Variants in SLC30A7 observed in about 807,000 individuals in gnomAD.
The protein encoded by SLC30A7 is zinc transporter 7.
In SLC30A7, 35 loss-of-function variants were observed where a neutral mutation model predicts 46.0. The observed-to-expected ratio is 0.76, with a 90% CI of 0.58 to 1.01. The LOEUF is 1.01. Among genes scored for constraint, SLC30A7 ranks in the 50% least tolerant of loss-of-function variants. The probability of loss-of-function intolerance (pLI) is 0.00; values close to 1 mark genes in which losing one functional copy is unlikely to be tolerated. For synonymous variants in SLC30A7, 147 were observed against 157.8 expected, an observed-to-expected ratio of 0.93 and a Z score of 0.51; for missense variants, 464 against 451.1, an observed-to-expected ratio of 1.03 and a Z score of -0.26.
intron 3 of SLC30A7, among the ~76,000 whole-genome samples, chr1:100,907,991 G>A (rs898690096): frequency 6.6e-6 from 1 of 150,652 alleles, no homozygotes; most frequent in Admixed American, 6.6e-5. Flanking sequence ...CCCTTTATCT[G>A]TCAGGCTCAA....
chr1:100,915,193 T>TTTTCTTTCTTTCCTTC (rs1652425309), intron 6 of SLC30A7, among the ~76,000 whole-genome samples: 1 of 90,788 alleles, frequency 1.1e-5, no homozygotes, highest in Non-Finnish European at 2.2e-5. Context: ...CTTTTCTTTC[T>TTTTCTTTCTTTCCTTC]TTTCTTTCTT....
chr1:100,946,253 C>CT (rs1654628759), intron 8 of SLC30A7, among the ~76,000 whole-genome samples: 1 of 152,228 alleles, frequency 6.6e-6, no homozygotes, highest in African/African-American at 2.4e-5. Context: ...TTGACTTCCT[C>CT]TTTTCCTAAT....
intron 8 of SLC30A7, among the ~76,000 whole-genome samples, chr1:100,949,066 C>T (rs901020797): frequency 2.6e-5 from 4 of 152,204 alleles, no homozygotes; most frequent in Non-Finnish European, 5.9e-5. Context: ...TGTTCTGTTG[C>T]TGGTGAGGAG....
intron 8 of SLC30A7, among the ~76,000 whole-genome samples, chr1:100,953,535 T>A (rs1183148525): frequency 6.6e-6 from 1 of 152,214 alleles, no homozygotes; most frequent in African/African-American, 2.4e-5. Context: ...CTGTGCTTTT[T>A]AAAATGCAGA....
At position 100,896,232 on chromosome 1, in the gene SLC30A7, A is replaced by C. The variant is rs1292164078; in HGVS notation, c.-31A>C. 1 of 1,606,576 alleles carries C rather than the reference A, an allele frequency of 6.2e-7. No individual in the cohort carries two copies. The highest frequency in any genetic ancestry group is 1.3e-5 in the African/African-American group (1 of 74,748). ...CCCCACGGAGCCACTTCTAGAGGGG[A>C]GTAGACCCGGCCCTTCGCCGGGCAG... On this transcript the variant is annotated 5_prime_UTR_variant, in exon 1 of 11. Coordinates refer to ENST00000357650, the MANE Select transcript of SLC30A7 (RefSeq NM_133496.5).
chr1:100,966,605 AT>A (rs530977071), intron 10 of SLC30A7, among the ~76,000 whole-genome samples: 11 of 147,012 alleles, frequency 7.5e-5, no homozygotes, highest in Non-Finnish European at 1.1e-4. Context: ...AGAAAACCAC[AT>A]TTTTTTTTTT....
chr1:100,984,426 T>C (rs1362795770), downstream of SLC30A7, among the ~76,000 whole-genome samples: 2 of 152,206 alleles, frequency 1.3e-5, no homozygotes, highest in Non-Finnish European at 1.5e-5. Context: ...TAAAGTTGTT[T>C]ATGAACCCCA....
chr1:100,899,560 T>C (rs1263540870), intron 2 of SLC30A7, among the ~76,000 whole-genome samples: 2 of 152,190 alleles, frequency 1.3e-5, no homozygotes, highest in Non-Finnish European at 2.9e-5. Flanking sequence ...TCTGCACACC[T>C]GTAATCTCAG....
rs1230424523 is a variant in SLC30A7, at chr1:100,980,132, G to A, written c.*5275G>A. ...AAGTTTTGTTGGCATTGAAGAGTAA[G>A]CTGCTTAAGGGACTGAATGAAAAGA... On this transcript the variant is annotated 3_prime_UTR_variant, in exon 11 of 11. Coordinates refer to ENST00000357650, the MANE Select transcript of SLC30A7 (RefSeq NM_133496.5). The A allele has an allele frequency of 6.6e-6, 1 of 152,132 alleles. No homozygotes were observed. Among genetic ancestry groups the A allele is most frequent in the Non-Finnish European group, 1.5e-5 (1 of 67,972 alleles). 9.4% of individuals were successfully genotyped at this position (152,132 alleles called of 1,614,324 possible).
At chr1:100,955,100 C>G (rs1200079860) in intron 8 of SLC30A7, among the ~76,000 whole-genome samples, 5 of 151,880 alleles carry the variant, frequency 3.3e-5, no homozygotes, top group African/African-American at 4.8e-5. Flanking sequence ...ATAATTTTAA[C>G]TGAAATTTTT....
At chr1:100,952,045 G>A (rs915461236) in intron 8 of SLC30A7, among the ~76,000 whole-genome samples, 8 of 152,250 alleles carry the variant, frequency 5.3e-5, no homozygotes, top group East Asian at 3.9e-4. Context: ...GGAAGAGGCC[G>A]GGGCCAAGGA....
rs538949018 is a variant in SLC30A7, at chr1:100,976,591, T to C, written c.*1734T>C. 6.6e-6 allele frequency: 1 copy of C among 152,380 alleles called. No individual in the cohort carries two copies. Among genetic ancestry groups the C allele is most frequent in the Non-Finnish European group, 1.5e-5 (1 of 68,034 alleles). 9.4% of individuals were successfully genotyped at this position (152,380 alleles called of 1,614,324 possible). A position where few individuals can be genotyped will look rare whatever the true frequency, so the allele number is the denominator to read the frequency against. On this transcript the variant is annotated 3_prime_UTR_variant, in exon 11 of 11. Coordinates refer to ENST00000357650, the MANE Select transcript of SLC30A7 (RefSeq NM_133496.5). Reference sequence around the variant, plus strand: ...TTCATTTTACAATACATATTCCCTTTTAACTTAAAAAAATTGTAAATGTGG... The same window carrying C: ...TTCATTTTACAATACATATTCCCTTCTAACTTAAAAAAATTGTAAATGTGG...
intron 8 of SLC30A7, among the ~76,000 whole-genome samples, chr1:100,949,757 G>T (rs940244990): frequency 5.3e-5 from 8 of 152,310 alleles, no homozygotes; most frequent in African/African-American, 1.9e-4. Context: ...AGCATTGCAG[G>T]TCGATCTCAG....
chr1:100,980,704 T>G lies in SLC30A7; in HGVS notation c.*5847T>G, dbSNP rs1215110123. The G allele has an allele frequency of 6.6e-6, 1 of 152,026 alleles. No homozygotes were observed. Among genetic ancestry groups the G allele is most frequent in the African/African-American group, 2.4e-5 (1 of 41,436 alleles). The allele number at this position is 152,026 out of a possible 1,614,324, so 9.4% of individuals were successfully genotyped here. The stretch of plus-strand genomic sequence containing the variant: ...GTAGCCCTATGAGCTGCTCATTCTT[T>G]TTCATATACAGTGGAAGTATACAGA... On this transcript the variant is annotated 3_prime_UTR_variant, in exon 11 of 11. Transcript: ENST00000357650.
At chr1:100,966,866 C>T (rs372306565) in intron 10 of SLC30A7, among the ~76,000 whole-genome samples, 37 of 152,260 alleles carry the variant, frequency 2.4e-4, no homozygotes, top group South Asian at 1.9e-3. Flanking sequence ...TTTTGTGTGA[C>T]AGCAAAACTA....
At chr1:100,930,955 C>G (rs1653629092) in intron 8 of SLC30A7, among the ~76,000 whole-genome samples, 1 of 152,114 alleles carries the variant, frequency 6.6e-6, no homozygotes, top group Non-Finnish European at 1.5e-5. Context: ...GAATTATTAA[C>G]TTCTTACCTA....
chr1:100,948,311 G>A (rs1471081749), intron 8 of SLC30A7, among the ~76,000 whole-genome samples: 1 of 152,080 alleles, frequency 6.6e-6, no homozygotes, highest in Admixed American at 6.5e-5. Context: ...AGCTTAGTTT[G>A]GCTGGATATG....
rs1656599191 is a variant in SLC30A7 at position 100,977,432 on chromosome 1, A to T, written c.*2575A>T. 6.6e-6 allele frequency: 1 copy of T among 152,228 alleles called. No individual in the cohort carries two copies. Among genetic ancestry groups the T allele is most frequent in the South Asian group, 2.1e-4 (1 of 4,834 alleles). 9.4% of individuals were successfully genotyped at this position (152,228 alleles called of 1,614,324 possible). On this transcript the variant is annotated 3_prime_UTR_variant, in exon 11 of 11. Transcript: ENST00000357650. ...TGTGCAGCAGTAAAAAATTAGTGAG[A>T]AAAAGCAACTTTTTGTCACTCTTAG...
downstream of SLC30A7, among the ~76,000 whole-genome samples, chr1:100,984,177 T>C (rs1657140669): frequency 6.6e-6 from 1 of 152,144 alleles, no homozygotes; most frequent in East Asian, 1.9e-4. Flanking sequence ...GGGAGGGGAA[T>C]ATTTCTGTTT....
Sources: allele counts gnomAD v4.1 joint callset (sites outside exome capture counted in the v4.1 genomes callset), GRCh38; gene constraint gnomAD v4.1.1; transcripts MANE v1.5; gene names NCBI Gene and HGNC (gene_info 2026-07-23, HGNC 2026-07-21).